DACH2: variants seen among roughly 807,000 people sequenced by gnomAD.
The protein encoded by DACH2 is dachshund family transcription factor 2, also known as dachshund homolog 2.
DACH2 carries 17 observed loss-of-function variants against 35.8 expected under a neutral mutation model. The observed-to-expected ratio is 0.48, with a 90% confidence interval of 0.33 to 0.71. DACH2 has a LOEUF of 0.71. Among genes scored for constraint, DACH2 ranks in the 30% least tolerant of loss-of-function variants. The pLI is 0.02. For missense variants in DACH2, 469 were observed against 472.7 expected (o/e 0.99, Z 0.07); for synonymous variants, 195 against 177.3 (o/e 1.10, Z -0.79).
At chrX:86,639,755 G>A (rs1444817747) in intron 3 of DACH2, among the ~76,000 whole-genome samples, 2 of 111,610 alleles carry the variant, frequency 1.8e-5, no homozygotes, top group East Asian at 2.8e-4. Flanking sequence ...GGGCACCTTA[G>A]TAGTTCCAGC....
rs187261912 is a variant in DACH2, at chrX:86,661,108, G to A, written c.772+9941G>A. Among the ~76,000 whole-genome samples the A allele has an allele frequency of 4.1e-3, 459 of 111,632 alleles. 1 individual carries two copies. Among genetic ancestry groups the A allele is most frequent in the Admixed American group, 6.2e-3 (65 of 10,481 alleles). On this transcript the variant is annotated intron_variant, in intron 4 of 11. Transcript: ENST00000373125. ...TGTGCCCTTATGGAAAGGTTTGGAC[G>A]TTCTGTAGTGTCCAAAGTGAAAATT...
At chrX:86,466,886 G>T (rs2037679731) in intron 2 of DACH2, among the ~76,000 whole-genome samples, 1 of 110,813 alleles carries the variant, frequency 9.0e-6, no homozygotes, top group Admixed American at 9.6e-5. Context: ...TGGAATGGAG[G>T]GCACCAAATC....
intron 7 of DACH2, among the ~76,000 whole-genome samples, chrX:86,758,676 G>A (rs1379197267): frequency 2.7e-5 from 3 of 111,997 alleles, no homozygotes; most frequent in African/African-American, 9.7e-5. Context: ...TGTTTAATGT[G>A]CTGATGAGAA....
chrX:86,463,469 C>T (rs141700183), intron 2 of DACH2, among the ~76,000 whole-genome samples: 255 of 110,161 alleles, frequency 2.3e-3, no homozygotes, highest in African/African-American at 8.0e-3. Flanking sequence ...AGTGACTAGC[C>T]GTATGAAGAA....
intron 3 of DACH2, among the ~76,000 whole-genome samples, chrX:86,524,031 A>T (rs1339438475): frequency 8.9e-6 from 1 of 112,406 alleles, no homozygotes; most frequent in African/African-American, 3.2e-5. Flanking sequence ...TCAAAGTTAA[A>T]CTTTAAACTA....
intron 3 of DACH2, among the ~76,000 whole-genome samples, chrX:86,590,054 C>A (rs1440664885): frequency 3.6e-5 from 4 of 111,488 alleles, no homozygotes. Flanking sequence ...GCTGGGGGAA[C>A]AAAGAGAAAG....
chrX:86,483,566 C>T (rs2037975501), intron 2 of DACH2, among the ~76,000 whole-genome samples: 1 of 111,253 alleles, frequency 9.0e-6, no homozygotes, highest in African/African-American at 3.3e-5. Context: ...TGTGGTGGCT[C>T]GTGCCTGTTG....
chrX:86,455,307 C>A (rs967546354), intron 2 of DACH2, among the ~76,000 whole-genome samples: 4 of 111,317 alleles, frequency 3.6e-5, no homozygotes, highest in Non-Finnish European at 7.5e-5. Context: ...TTTGGTAGAG[C>A]AGGTGTGCTA....
intron 1 of DACH2, among the ~76,000 whole-genome samples, chrX:86,178,649 A>C (rs1270770626): frequency 3.6e-5 from 4 of 111,399 alleles, no homozygotes; most frequent in Non-Finnish European, 7.6e-5. Flanking sequence ...AGTTGTTCTG[A>C]TATTAATGCT....
At chrX:86,762,646 CT>C (rs1302404700) in intron 7 of DACH2, among the ~76,000 whole-genome samples, 6 of 111,558 alleles carry the variant, frequency 5.4e-5, no homozygotes, top group African/African-American at 1.6e-4. Flanking sequence ...CAACACTCCA[CT>C]TTTTAATTTT....
intron 3 of DACH2, among the ~76,000 whole-genome samples, chrX:86,594,045 A>T (rs1317518093): frequency 9.0e-6 from 1 of 111,387 alleles, no homozygotes; most frequent in Non-Finnish European, 1.9e-5. Flanking sequence ...TCCTCATCAG[A>T]TTGTTCATTT....
At chrX:86,196,080 TGGGCTGAGA>T (rs1307382848) in intron 1 of DACH2, among the ~76,000 whole-genome samples, 1 of 111,429 alleles carries the variant, frequency 9.0e-6, no homozygotes, top group Non-Finnish European at 1.9e-5. Context: ...GGTTCTGAAC[TGGGCTGAGA>T]TGGCTGAAAT....
At chrX:86,156,821 G>T (rs2030561949) in intron 1 of DACH2, among the ~76,000 whole-genome samples, 1 of 110,724 alleles carries the variant, frequency 9.0e-6, no homozygotes, top group Admixed American at 9.7e-5. Flanking sequence ...GTAAAAGGAG[G>T]GTTTTCCTCC....
chrX:86,552,278 A>C (rs887922413), intron 3 of DACH2, among the ~76,000 whole-genome samples: 1 of 111,862 alleles, frequency 8.9e-6, no homozygotes, highest in Non-Finnish European at 1.9e-5. Context: ...TGTAATACTA[A>C]GTTGAATCTA....
intron 1 of DACH2, among the ~76,000 whole-genome samples, chrX:86,370,971 T>G (rs959350598): frequency 1.8e-5 from 2 of 111,383 alleles, no homozygotes; most frequent in Admixed American, 1.9e-4. Flanking sequence ...AAATGAACAT[T>G]GCCTTGAAAA....
intron 2 of DACH2, among the ~76,000 whole-genome samples, chrX:86,453,902 G>C (rs929015332): frequency 1.3e-4 from 14 of 111,648 alleles, no homozygotes; most frequent in Admixed American, 7.6e-4. Flanking sequence ...GTGTGTTTCT[G>C]TAGTGGCTGG....
At chrX:86,494,015 C>T (rs2038131558) in intron 2 of DACH2, among the ~76,000 whole-genome samples, 1 of 111,340 alleles carries the variant, frequency 9.0e-6, no homozygotes, top group Non-Finnish European at 1.9e-5. Flanking sequence ...TATTTGGTGC[C>T]GTATGACTTA....
Position 86,236,193 on chromosome X carries a change from G to A in DACH2, c.488+87085G>A, listed in dbSNP as rs1426038170. Among the ~76,000 whole-genome samples the A allele has an allele frequency of 2.7e-5, 3 of 111,849 alleles. No homozygotes were observed. The South Asian group carries it at 1.1e-3, about 41-fold the overall frequency. ...ACAACACTTTCCATATTTCTATACA[G>A]CACCTATTAAGCTGTTTGATAATGG... On this transcript the variant is annotated intron_variant, in intron 1 of 11. Coordinates refer to ENST00000373125, the MANE Select transcript of DACH2 (RefSeq NM_053281.3).
chrX:86,398,146 T>G (rs2036339435), intron 2 of DACH2, among the ~76,000 whole-genome samples: 2 of 112,208 alleles, frequency 1.8e-5, no homozygotes, highest in Admixed American at 9.4e-5. Context: ...AATTTATCCA[T>G]TTCTCCTAGA....
Sources: allele counts gnomAD v4.1 joint callset (sites outside exome capture counted in the v4.1 genomes callset), GRCh38; gene constraint gnomAD v4.1.1; transcripts MANE v1.5; gene names NCBI Gene and HGNC (gene_info 2026-07-23, HGNC 2026-07-21).